The following ARHGAP32 variants were observed in gnomAD, a reference collection of about 807,000 sequenced individuals.
ARHGAP32 encodes the protein Rho GTPase activating protein 32, also known as rho GTPase-activating protein 32.
Under a neutral mutation model 186.5 loss-of-function variants are expected in ARHGAP32, and 51 were observed. That is an observed-to-expected ratio of 0.27 (90% CI 0.22 to 0.35). The LOEUF (loss-of-function observed/expected upper bound fraction) is 0.35. ARHGAP32 is among the 10% of genes least tolerant of loss of function. The probability of loss-of-function intolerance (pLI) is 1.00; values close to 1 mark genes in which losing one functional copy is unlikely to be tolerated. For missense variants in ARHGAP32, 2,186 were observed against 2,623.5 expected, an observed-to-expected ratio of 0.83 and a Z score of 3.64; for synonymous variants, 950 against 964.3, an observed-to-expected ratio of 0.99 and a Z score of 0.27.
chr11:128,981,305 T>C (rs1191735067), intron 17 of ARHGAP32, 111 bp downstream of exon 17: 1 of 1,186,636 alleles, frequency 8.4e-7, no homozygotes, highest in Admixed American at 2.4e-5. Context: ...CATTATTAGC[T>C]GCCTTATACC....
At chr11:128,993,925 C>T (rs991993774) in intron 12 of ARHGAP32, among the ~76,000 whole-genome samples, 16 of 151,820 alleles carry the variant, frequency 1.1e-4, no homozygotes, top group Admixed American at 1.1e-3. Context: ...TCAATGATAC[C>T]AAAAAACTCT....
chr11:129,045,792 G>A (rs1282553208), intron 10 of ARHGAP32, among the ~76,000 whole-genome samples: 2 of 152,128 alleles, frequency 1.3e-5, no homozygotes, highest in Non-Finnish European at 2.9e-5. Context: ...ATTGGCAGGG[G>A]TCAAAATGAG....
intron 10 of ARHGAP32, among the ~76,000 whole-genome samples, chr11:129,050,857 G>A (rs1342105861): frequency 6.6e-6 from 1 of 152,082 alleles, no homozygotes; most frequent in Non-Finnish European, 1.5e-5. Flanking sequence ...TGTTCTCACT[G>A]TTCAACTCCT....
intron 11 of ARHGAP32, among the ~76,000 whole-genome samples, chr11:129,022,311 T>C (rs1938630363): frequency 6.6e-6 from 1 of 152,178 alleles, no homozygotes; most frequent in South Asian, 2.1e-4. Flanking sequence ...CTGCACTTTA[T>C]TAAGCTATGA....
chr11:129,170,628 C>T (rs191731864), intron 1 of ARHGAP32, among the ~76,000 whole-genome samples: 36 of 152,288 alleles, frequency 2.4e-4, no homozygotes, highest in South Asian at 8.3e-4. Flanking sequence ...GTAAACAGTG[C>T]TGCAATAAAC....
intron 6 of ARHGAP32, among the ~76,000 whole-genome samples, chr11:129,073,024 G>A (rs1364212177): frequency 1.3e-5 from 2 of 152,134 alleles, no homozygotes; most frequent in African/African-American, 4.8e-5. Context: ...GCAGGATGGA[G>A]GGCTGTGAAC....
chr11:129,135,505 C>G lies in ARHGAP32; in HGVS notation c.226-10611G>C, dbSNP rs560950848. Among the ~76,000 whole-genome samples the G allele has an allele frequency of 3.3e-5, 5 of 152,178 alleles. No individual in the cohort carries two copies. The South Asian group carries it at 1.0e-3, about 32-fold the overall frequency. ...AACGCTGGCCGGGCGTGGTGGCTCA[C>G]GCCTGTAATCCCAGCACTTTGGGAG... On this transcript the variant is annotated intron_variant, in intron 2 of 22. Transcript: ENST00000682385.
At chr11:129,225,461 C>G (rs1227808321) in intron 1 of ARHGAP32, among the ~76,000 whole-genome samples, 1 of 152,146 alleles carries the variant, frequency 6.6e-6, no homozygotes, top group Non-Finnish European at 1.5e-5. Flanking sequence ...TCAGCAAAAA[C>G]TGGGAAAATG....
chr11:129,187,505 G>A (rs1176281829), intron 1 of ARHGAP32, among the ~76,000 whole-genome samples: 1 of 152,118 alleles, frequency 6.6e-6, no homozygotes, highest in East Asian at 1.9e-4. Context: ...ATTGTACACT[G>A]AAAAATAATT....
At chr11:129,072,929 G>C (rs1229876193) in intron 6 of ARHGAP32, among the ~76,000 whole-genome samples, 2 of 152,244 alleles carry the variant, frequency 1.3e-5, no homozygotes, top group Non-Finnish European at 2.9e-5. Context: ...AGAAAATACA[G>C]CTCCAGCTTC....
At chr11:129,141,037 T>C (rs528236543) in intron 2 of ARHGAP32, among the ~76,000 whole-genome samples, 29 of 152,248 alleles carry the variant, frequency 1.9e-4, no homozygotes, top group African/African-American at 6.7e-4. Context: ...TAATATACAA[T>C]AGGGAATATG....
intron 15 of ARHGAP32, among the ~76,000 whole-genome samples, chr11:128,984,584 C>T (rs989992997): frequency 2.6e-5 from 4 of 151,996 alleles, no homozygotes; most frequent in African/African-American, 9.7e-5. Flanking sequence ...GTAGGAGATA[C>T]ACACACATAT....
chr11:129,179,488 T>C (rs898552808), intron 1 of ARHGAP32, among the ~76,000 whole-genome samples: 3 of 152,032 alleles, frequency 2.0e-5, no homozygotes, highest in African/African-American at 7.2e-5. Context: ...TAAAGACACA[T>C]GCACACGTAT....
intron 2 of ARHGAP32, among the ~76,000 whole-genome samples, chr11:129,136,809 T>C (rs1942945616): frequency 6.6e-6 from 1 of 152,042 alleles, no homozygotes; most frequent in South Asian, 2.1e-4. Flanking sequence ...TGATAAGAAC[T>C]ACCTAGCAAG....
At chr11:128,991,808 C>T (rs1946062341) in intron 12 of ARHGAP32, among the ~76,000 whole-genome samples, 1 of 152,100 alleles carries the variant, frequency 6.6e-6, no homozygotes, top group Non-Finnish European at 1.5e-5. Context: ...AATCGATGAT[C>T]CTTTAGATTA....
At chr11:129,279,518 CGCCCCCGCCCAGCTGGCCGGCGCGT>C (rs1366350645), upstream of ARHGAP32, among the ~76,000 whole-genome samples, 4 of 146,128 alleles carry the variant, frequency 2.7e-5, no homozygotes, top group South Asian at 8.3e-4. Flanking sequence ...GCCCCCGCAG[CGCCCCCGCCCAGCTGGCCGGCGCGT>C]GCCCCCGCCG....
At chr11:129,080,592 A>G (rs1373592637) in intron 6 of ARHGAP32, among the ~76,000 whole-genome samples, 1 of 152,184 alleles carries the variant, frequency 6.6e-6, no homozygotes, top group Non-Finnish European at 1.5e-5. Flanking sequence ...CCTTTTGGAT[A>G]CAGCACTAGT....
Position 129,003,439 on chromosome 11 carries a change from TTAGAGTACAATTG to T in ARHGAP32, c.1046-4984_1046-4972del, listed in dbSNP as rs572575227. On this transcript the variant is annotated intron_variant, in intron 11 of 22. Coordinates refer to ENST00000682385, the MANE Select transcript of ARHGAP32 (RefSeq NM_001378024.1). The stretch of plus-strand genomic sequence containing the variant: ...ACTCTCTCCTCTATTTTCTGAATAG[TTAGAGTACAATTG>T]GTACTTGTTCTTCTTTGATTAAATG... Among the ~76,000 whole-genome samples, 11 of 152,330 alleles carry T rather than the reference TTAGAGTACAATTG, an allele frequency of 7.2e-5. No homozygotes were observed. The East Asian group carries it at 1.9e-3, about 27-fold the overall frequency.
chr11:129,193,688 AT>A (rs1944343074), upstream of ARHGAP32, among the ~76,000 whole-genome samples: 1 of 33,332 alleles, frequency 3.0e-5, no homozygotes, highest in Admixed American at 5.8e-4. Flanking sequence ...TATAATATAT[AT>A]TATATAATAT....
Sources: gnomAD v4.1 joint callset for allele counts (sites outside exome capture counted in the v4.1 genomes callset) on GRCh38, gnomAD v4.1.1 for gene constraint, MANE v1.5 for transcripts, NCBI Gene and HGNC (gene_info 2026-07-23, HGNC 2026-07-21) for gene names.